Variants in FAM120B observed in about 807,000 individuals in gnomAD.
The protein encoded by FAM120B is constitutive coactivator of peroxisome proliferator-activated receptor gamma.
Under a neutral mutation model 96.3 loss-of-function variants are expected in FAM120B, and 83 were observed. The ratio of observed to expected loss-of-function variants is 0.86; its 90% CI spans 0.72 to 1.03. The LOEUF is 1.03. Among genes scored for constraint, FAM120B ranks in the 50% least tolerant of loss-of-function variants. FAM120B has a pLI of 0.00. For missense variants in FAM120B, 1,027 were observed against 1,121.2 expected (o/e 0.92, Z 1.20); for synonymous variants, 407 against 402.7 (o/e 1.01, Z -0.13).
At chr6:170,360,951 A>G (rs1788318857) in intron 6 of FAM120B, among the ~76,000 whole-genome samples, 1 of 150,778 alleles carries the variant, frequency 6.6e-6, no homozygotes, top group African/African-American at 2.4e-5. Context: ...CCACAGCCTG[A>G]CTCTGTTCTG....
chr6:170,369,890 C>T (rs1316532500), intron 6 of FAM120B, among the ~76,000 whole-genome samples: 5 of 152,086 alleles, frequency 3.3e-5, no homozygotes, highest in Non-Finnish European at 7.4e-5. Context: ...TGTCAGTTTG[C>T]TGAATATGTC....
intron 9 of FAM120B, among the ~76,000 whole-genome samples, chr6:170,399,641 G>C: frequency 7.4e-6 from 1 of 134,776 alleles, no homozygotes; most frequent in Admixed American, 7.3e-5. Flanking sequence ...AGTGAGTGGG[G>C]AAGGTAGAAC....
At chr6:170,345,865 A>G (rs1235876024) in intron 4 of FAM120B, among the ~76,000 whole-genome samples, 1 of 152,348 alleles carries the variant, frequency 6.6e-6, no homozygotes, top group East Asian at 1.9e-4. Context: ...TTGCTTAACC[A>G]CAGTGATCAG....
rs1249018238 is a variant in FAM120B at position 170,295,590 on chromosome 6, G to A, written c.48+137G>A. On this transcript the variant is annotated intron_variant, in intron 1 of 10. Coordinates refer to the FAM120B transcript ENST00000537664. This position sits in a 1 kb window ranked among gnomAD's most constrained non-coding sequence, Gnocchi z 7.8. ...GGTGGGGGCACAAGAACAGCAGCCG[G>A]GGGCGAAGGAATCAGCCCCGCAGCG... 17 of 549,392 alleles carry A rather than the reference G, an allele frequency of 3.1e-5. No homozygotes were observed. The highest frequency in any genetic ancestry group is 5.1e-5 in the Non-Finnish European group (16 of 315,240). The allele number at this position is 549,392 out of a possible 1,614,324, so 34.0% of individuals were successfully genotyped here.
Position 170,391,065 on chromosome 6 carries a change from G to A in FAM120B, c.2543G>A (p.Cys848Tyr), listed in dbSNP as rs1279249298. 5.6e-6 allele frequency: 9 copies of A among 1,614,208 alleles called. No individual in the cohort carries two copies. Among genetic ancestry groups the A allele is most frequent in the Non-Finnish European group, 7.6e-6 (9 of 1,180,034 alleles). The stretch of plus-strand genomic sequence containing the variant: ...CTGAAGGCAGTCGTCTGCAAGGCCT[G>A]CATGAAGGAGAACAGACGCATCACT... ...HNLKAVVCKA[C>Y]MKENRRITGR... Residue 848 changes from cysteine to tyrosine, a missense_variant, in exon 8 of 11, where the codon TGC (cysteine) becomes TAC (tyrosine). By Grantham distance (194) the Cys-to-Tyr change is radical (BLOSUM62 -2). Coordinates refer to ENST00000476287, the MANE Select transcript of FAM120B (RefSeq NM_032448.3).
At chr6:170,341,104 C>T (rs1786792824) in intron 4 of FAM120B, among the ~76,000 whole-genome samples, 1 of 152,262 alleles carries the variant, frequency 6.6e-6, no homozygotes, top group Non-Finnish European at 1.5e-5. Context: ...GCTGCACCCA[C>T]AGCAGCCCCC....
At chr6:170,402,345 C>T (rs1435699559) in intron 9 of FAM120B, among the ~76,000 whole-genome samples, 1 of 152,210 alleles carries the variant, frequency 6.6e-6, no homozygotes, top group Non-Finnish European at 1.5e-5. Context: ...GTACGCACAC[C>T]TGTAAGTACC....
rs138990098 is a variant in FAM120B at position 170,315,501 on chromosome 6, T to C, written c.-21-1869T>C. On this transcript the variant is annotated intron_variant, in intron 1 of 10. Coordinates refer to ENST00000476287, the MANE Select transcript of FAM120B (RefSeq NM_032448.3). ...CCTTACAGTTGACGTAATCACACTA[T>C]GAAGCCCAGTTTCCACTTCAAAAAC... 3.0e-3 allele frequency among the ~76,000 whole-genome samples: 452 copies of C among 152,304 alleles called. 1 individual carries two copies. The highest frequency in any genetic ancestry group is 0.01 in the African/African-American group (435 of 41,556).
upstream of FAM120B, chr6:170,306,665 G>C (rs1446607587): frequency 6.6e-6 from 1 of 152,210 alleles, no homozygotes; most frequent in Non-Finnish European, 1.5e-5. Context: ...CCCACGACGC[G>C]GGCGCTCCTC....
chr6:170,317,183 C>T (rs1193131928), intron 1 of FAM120B, among the ~76,000 whole-genome samples, 187 bp from the exon 2 acceptor site: 1 of 152,174 alleles, frequency 6.6e-6, no homozygotes, highest in African/African-American at 2.4e-5. Flanking sequence ...TTAACTTATA[C>T]TTAGGTAAAG....
At chr6:170,345,315 T>G (rs116779234) in intron 4 of FAM120B, among the ~76,000 whole-genome samples, 2,175 of 152,286 alleles carry the variant, frequency 0.014, 61 homozygotes, top group African/African-American at 0.05. Context: ...CCTTCAGAAC[T>G]CTAACAGGCT....
chr6:170,344,450 C>T (rs1462297862), intron 4 of FAM120B, among the ~76,000 whole-genome samples: 3 of 110,800 alleles, frequency 2.7e-5, no homozygotes, highest in Non-Finnish European at 5.4e-5. Flanking sequence ...TCGTTCAGTC[C>T]ATTCACCTGC....
chr6:170,399,597 G>A (rs534988816), intron 9 of FAM120B, among the ~76,000 whole-genome samples: 14 of 150,160 alleles, frequency 9.3e-5, no homozygotes, highest in African/African-American at 2.7e-4. Context: ...TTAGGAGTGA[G>A]TGAGGAAGGT....
intron 4 of FAM120B, among the ~76,000 whole-genome samples, chr6:170,341,081 T>C (rs1017443360): frequency 2.6e-5 from 4 of 152,214 alleles, no homozygotes; most frequent in African/African-American, 9.6e-5. Context: ...CAGGAACGTT[T>C]AAGTCCACTG....
chr6:170,340,606 G>T (rs1290839982), intron 4 of FAM120B, among the ~76,000 whole-genome samples: 1 of 152,180 alleles, frequency 6.6e-6, no homozygotes, highest in African/African-American at 2.4e-5. Flanking sequence ...TTTTGCGCTG[G>T]TTTTTCCTCA....
At chr6:170,321,024 G>C (rs575093756) in intron 2 of FAM120B, among the ~76,000 whole-genome samples, 6 of 152,228 alleles carry the variant, frequency 3.9e-5, no homozygotes, top group Non-Finnish European at 8.8e-5. Flanking sequence ...AAGCCGACAG[G>C]GAGTTTGGCA....
intron 1 of FAM120B, chr6:170,298,344 A>G (rs796236868): frequency 6.6e-6 from 1 of 152,146 alleles, no homozygotes; most frequent in Non-Finnish European, 1.5e-5. Context: ...TCAAATCAAC[A>G]TATTTCCTAA....
At chr6:170,377,814 C>T (rs980784607) in intron 6 of FAM120B, among the ~76,000 whole-genome samples, 1 of 137,152 alleles carries the variant, frequency 7.3e-6, no homozygotes, top group Non-Finnish European at 1.6e-5. Flanking sequence ...CACAGGCTCA[C>T]GCTGCTCGGT....
intron 5 of FAM120B, among the ~76,000 whole-genome samples, chr6:170,357,862 G>A (rs1337528551): frequency 1.3e-5 from 2 of 152,246 alleles, no homozygotes; most frequent in Non-Finnish European, 2.9e-5. Context: ...TTCACAGCCA[G>A]GAGCCAAGGA....
Sources: gnomAD v4.1 joint callset for allele counts (sites outside exome capture counted in the v4.1 genomes callset) on GRCh38, gnomAD v4.1.1 for gene constraint, Gnocchi (gnomAD v3.1) non-coding constraint, MANE v1.5 for transcripts, NCBI Gene and HGNC (gene_info 2026-07-23, HGNC 2026-07-21) for gene names.